CCNY: variants seen among roughly 807,000 people sequenced by gnomAD.
The protein encoded by CCNY is cyclin-Y.
Under a neutral mutation model 42.8 loss-of-function variants are expected in CCNY, and 19 were observed. The observed-to-expected ratio is 0.44, with a 90% CI of 0.31 to 0.65. The LOEUF is 0.65. CCNY is among the 30% of genes least tolerant of loss of function. The probability of loss-of-function intolerance (pLI) is 0.07; values close to 1 mark genes in which losing one functional copy is unlikely to be tolerated. For missense variants in CCNY, 370 were observed against 437.3 expected (o/e 0.85, Z 1.37); for synonymous variants, 165 against 162.7 (o/e 1.01, Z -0.11).
At chr10:35,409,866 C>T (rs1040655548) in intron 1 of CCNY, among the ~76,000 whole-genome samples, 5 of 152,108 alleles carry the variant, frequency 3.3e-5, no homozygotes, top group African/African-American at 4.8e-5. Flanking sequence ...GCAGTCCTCC[C>T]ACCTTGAGTA....
At chr10:35,410,749 G>A (rs1218859624) in intron 1 of CCNY, among the ~76,000 whole-genome samples, 2 of 152,226 alleles carry the variant, frequency 1.3e-5, no homozygotes, top group African/African-American at 4.8e-5. Context: ...ACAGGCAAGT[G>A]CACCAGAGCT....
At chr10:35,480,195 A>G (rs527614397) in intron 1 of CCNY, among the ~76,000 whole-genome samples, 1 of 152,310 alleles carries the variant, frequency 6.6e-6, no homozygotes, top group South Asian at 2.1e-4. Context: ...GCCTGTCATC[A>G]TTAGGGACCA....
intron 8 of CCNY, among the ~76,000 whole-genome samples, chr10:35,563,530 G>A (rs1004951288): frequency 1.2e-4 from 19 of 152,290 alleles, no homozygotes; most frequent in African/African-American, 4.1e-4. Flanking sequence ...CTTGGGATTT[G>A]CTCCTTTGAC....
chr10:35,298,251 A>G (rs1309804779), intron 3 of CCNY, among the ~76,000 whole-genome samples: 2 of 152,160 alleles, frequency 1.3e-5, no homozygotes, highest in African/African-American at 4.8e-5. Flanking sequence ...TAATCTCACC[A>G]TATTCAAGAT....
intron 4 of CCNY, among the ~76,000 whole-genome samples, chr10:35,521,633 G>T (rs1840549012): frequency 6.6e-6 from 1 of 152,182 alleles, no homozygotes; most frequent in African/African-American, 2.4e-5. Context: ...GGATCGTTCT[G>T]GCCCTGCGAA....
chr10:35,479,471 T>C (rs1459189438), intron 1 of CCNY, among the ~76,000 whole-genome samples: 6 of 140,866 alleles, frequency 4.3e-5, no homozygotes, highest in South Asian at 2.4e-4. Flanking sequence ...ATGGATGAAA[T>C]TGGAAATCAT....
chr10:35,361,290 AATTTTT>A (rs1221270085), intron 1 of CCNY, among the ~76,000 whole-genome samples: 1 of 151,988 alleles, frequency 6.6e-6, no homozygotes, highest in Non-Finnish European at 1.5e-5. Flanking sequence ...ATGACTTTAT[AATTTTT>A]TTGTCTTATT....
chr10:35,363,735 G>A (rs925934182), intron 1 of CCNY, among the ~76,000 whole-genome samples: 53 of 152,202 alleles, frequency 3.5e-4, no homozygotes, highest in African/African-American at 1.1e-3. Context: ...AAAAGTTTTC[G>A]TATTCCCTGC....
At chr10:35,417,589 A>C (rs533451882) in intron 1 of CCNY, among the ~76,000 whole-genome samples, 3 of 152,364 alleles carry the variant, frequency 2.0e-5, no homozygotes, top group South Asian at 2.1e-4. Flanking sequence ...AGAGGTGTTT[A>C]TAGACACCAG....
chr10:35,557,606 A>G (rs2094097243), intron 8 of CCNY, among the ~76,000 whole-genome samples: 1 of 151,952 alleles, frequency 6.6e-6, no homozygotes, highest in Non-Finnish European at 1.5e-5. Flanking sequence ...AAATACAAAA[A>G]TTAGCTGGTA....
At chr10:35,329,400 T>TAAAAAA (rs112391517) in intron 3 of CCNY, among the ~76,000 whole-genome samples, 1 of 151,648 alleles carries the variant, frequency 6.6e-6, no homozygotes, top group Non-Finnish European at 1.5e-5. Flanking sequence ...AAATAAAAAA[T>TAAAAAA]AAAAAAAAAT....
intron 7 of CCNY, among the ~76,000 whole-genome samples, chr10:35,534,419 G>A (rs1294230716): frequency 1.3e-5 from 2 of 152,188 alleles, no homozygotes; most frequent in Admixed American, 1.3e-4. Flanking sequence ...GGTTAGTTCT[G>A]TCTGTAGAGC....
chr10:35,390,581 T>A (rs1412368444), intron 1 of CCNY, among the ~76,000 whole-genome samples: 1 of 152,224 alleles, frequency 6.6e-6, no homozygotes, highest in African/African-American at 2.4e-5. Flanking sequence ...AAGGGCTCCC[T>A]TACCTCTCCC....
chr10:35,407,391 G>A (rs1450282799), intron 1 of CCNY, among the ~76,000 whole-genome samples: 12 of 152,110 alleles, frequency 7.9e-5, no homozygotes, highest in Admixed American at 1.3e-4. Flanking sequence ...GACGCTTGGG[G>A]TTAGGACTGA....
At chr10:35,415,615 G>A (rs932372569) in intron 1 of CCNY, among the ~76,000 whole-genome samples, 3 of 152,222 alleles carry the variant, frequency 2.0e-5, no homozygotes, top group Non-Finnish European at 4.4e-5. Context: ...GAACATGTTT[G>A]TTGCTCACAT....
chr10:35,463,290 C>T (rs1363688774), intron 1 of CCNY, among the ~76,000 whole-genome samples: 2 of 152,124 alleles, frequency 1.3e-5, no homozygotes, highest in East Asian at 3.9e-4. Flanking sequence ...ACATGTCTGG[C>T]ACATGGTAGA....
At position 35,448,903 on chromosome 10, in the gene CCNY, A is replaced by G. The variant is rs184832352; in HGVS notation, c.155-34501A>G. ...ACAATGGAGTATCCCCAGGGGGTGC[A>G]GTGTGGGTTAGACCCTGAGGCATGT... On this transcript the variant is annotated intron_variant, in intron 1 of 9. Coordinates refer to ENST00000374704, the MANE Select transcript of CCNY (RefSeq NM_145012.6). Among the ~76,000 whole-genome samples the G allele has an allele frequency of 6.8e-3, 1,032 of 152,142 alleles. 11 individuals are homozygous for G. Among genetic ancestry groups the G allele is most frequent in the African/African-American group, 0.024 (984 of 41,480 alleles).
At chr10:35,517,031 TC>T (rs1840444597) in intron 4 of CCNY, among the ~76,000 whole-genome samples, 1 of 152,188 alleles carries the variant, frequency 6.6e-6, no homozygotes, top group Non-Finnish European at 1.5e-5. Flanking sequence ...ACTCCTATGT[TC>T]CCAGTTGGAG....
chr10:35,463,175 T>C (rs111955333), intron 1 of CCNY, among the ~76,000 whole-genome samples: 1,585 of 152,388 alleles, frequency 0.01, 24 homozygotes, highest in African/African-American at 0.036. Flanking sequence ...TGCTATGTGC[T>C]AGGAGTCTGA....
Sources: gnomAD v4.1 joint callset for allele counts (sites outside exome capture counted in the v4.1 genomes callset) on GRCh38, gnomAD v4.1.1 for gene constraint, MANE v1.5 for transcripts, NCBI Gene and HGNC (gene_info 2026-07-23, HGNC 2026-07-21) for gene names.